The following ALDH1A1 variants were observed in gnomAD, a reference collection of about 807,000 sequenced individuals.
ALDH1A1 encodes aldehyde dehydrogenase 1 family member A1, also known as aldehyde dehydrogenase 1A1.
In ALDH1A1, 19 loss-of-function variants were observed where a neutral mutation model predicts 62.1. That is an observed-to-expected ratio of 0.31 (90% CI 0.21 to 0.45). The LOEUF is 0.45. Among genes scored for constraint, ALDH1A1 ranks in the 20% least tolerant of loss-of-function variants. The pLI is 1.00. For synonymous variants in ALDH1A1, 231 were observed against 215.9 expected, an observed-to-expected ratio of 1.07 and a Z score of -0.61; for missense variants, 521 against 607.1, an observed-to-expected ratio of 0.86 and a Z score of 1.49.
intron 11 of ALDH1A1, among the ~76,000 whole-genome samples, chr9:72,908,824 A>G (rs941857280): frequency 2.6e-5 from 4 of 152,182 alleles, no homozygotes; most frequent in African/African-American, 4.8e-5. Flanking sequence ...CCTCTTGATT[A>G]AAGTATAAAA....
chr9:72,935,341 G>A (rs1415221218), intron 2 of ALDH1A1, among the ~76,000 whole-genome samples: 1 of 152,184 alleles, frequency 6.6e-6, no homozygotes, highest in South Asian at 2.1e-4. Flanking sequence ...CACTGAAAAT[G>A]CTCCTTTTTT....
At chr9:72,925,228 A>G (rs1830189455) in intron 6 of ALDH1A1, among the ~76,000 whole-genome samples, 1 of 152,202 alleles carries the variant, frequency 6.6e-6, no homozygotes, top group Admixed American at 6.5e-5. Context: ...AGAGTTGGAC[A>G]AAGAAGCAAA....
rs1829903502 is a variant in ALDH1A1 at position 72,908,322 on chromosome 9, C to T, written c.1358+1280G>A. ...TGGTGGTACATGCCTGTAGTCCCAG[C>T]TAGTTGGGAGGCTGAGGCAGGAGAA... On this transcript the variant is annotated intron_variant, in intron 11 of 12. Coordinates refer to ENST00000297785, the MANE Select transcript of ALDH1A1 (RefSeq NM_000689.5). 7.5e-5 allele frequency among the ~76,000 whole-genome samples: 11 copies of T among 146,754 alleles called. No individual in the cohort carries two copies. The South Asian group carries it at 2.4e-3, about 32-fold the overall frequency.
intron 2 of ALDH1A1, among the ~76,000 whole-genome samples, chr9:72,938,200 G>T (rs1259735363): frequency 6.6e-6 from 1 of 151,810 alleles, no homozygotes; most frequent in Non-Finnish European, 1.5e-5. Flanking sequence ...ATTATCCTTG[G>T]GTGTTGCTGA....
intron 12 of ALDH1A1, among the ~76,000 whole-genome samples, chr9:72,902,037 T>C (rs967682081): frequency 3.9e-5 from 6 of 152,044 alleles, no homozygotes; most frequent in African/African-American, 1.4e-4. Context: ...CTTGGGCTTT[T>C]TGCAGTTGTT....
intron 1 of ALDH1A1, among the ~76,000 whole-genome samples, chr9:72,942,679 C>T (rs1018655559): frequency 2.0e-5 from 3 of 152,046 alleles, no homozygotes; most frequent in African/African-American, 7.2e-5. Flanking sequence ...CTCTACCATT[C>T]CCTCAGTTTA....
chr9:72,925,679 A>G (rs1830196174), intron 5 of ALDH1A1, 67 bp from the exon 6 acceptor site: 1 of 1,531,060 alleles, frequency 6.5e-7, no homozygotes, highest in Non-Finnish European at 8.9e-7. Flanking sequence ...TCCAACTTCC[A>G]TATTATACAC....
intron 1 of ALDH1A1, among the ~76,000 whole-genome samples, chr9:72,951,430 T>C (rs1008371269): frequency 1.3e-5 from 2 of 151,724 alleles, no homozygotes; most frequent in African/African-American, 4.8e-5. Flanking sequence ...AAGGAAGACT[T>C]TGCAAACTTC....
At chr9:72,907,306 GA>G (rs1353512390) in intron 11 of ALDH1A1, among the ~76,000 whole-genome samples, 1 of 152,090 alleles carries the variant, frequency 6.6e-6, no homozygotes, top group African/African-American at 2.4e-5. Context: ...TGCAACTCTG[GA>G]GTTCAATAAT....
intron 9 of ALDH1A1, among the ~76,000 whole-genome samples, chr9:72,913,559 A>G (rs1180703852): frequency 6.6e-6 from 1 of 152,150 alleles, no homozygotes; most frequent in Non-Finnish European, 1.5e-5. Context: ...CAACATCATG[A>G]TATCTGGTTT....
intron 12 of ALDH1A1, among the ~76,000 whole-genome samples, chr9:72,902,266 G>T (rs1401441306): frequency 6.6e-6 from 1 of 151,966 alleles, no homozygotes; most frequent in African/African-American, 2.4e-5. Flanking sequence ...TCTCTATATT[G>T]TTTTGATAAG....
chr9:72,909,003 C>T (rs968237486), intron 11 of ALDH1A1, among the ~76,000 whole-genome samples: 11 of 152,064 alleles, frequency 7.2e-5, no homozygotes, highest in Non-Finnish European at 1.6e-4. Context: ...TCTTTTACCT[C>T]CCTGTATACA....
intron 12 of ALDH1A1, among the ~76,000 whole-genome samples, chr9:72,904,089 A>G (rs1829842432): frequency 6.6e-6 from 1 of 152,110 alleles, no homozygotes; most frequent in Non-Finnish European, 1.5e-5. Context: ...ATTCCATCTT[A>G]AGAGGAATGT....
chr9:72,939,013 G>C (rs1477743102), intron 2 of ALDH1A1, among the ~76,000 whole-genome samples: 1 of 152,126 alleles, frequency 6.6e-6, no homozygotes, highest in Non-Finnish European at 1.5e-5. Context: ...AAAGTGCTGG[G>C]ATTACAGGTG....
chr9:72,914,496 G>GTT (rs891520603), intron 9 of ALDH1A1, among the ~76,000 whole-genome samples: 1 of 152,134 alleles, frequency 6.6e-6, no homozygotes, highest in African/African-American at 2.4e-5. Context: ...TTTAAATCCA[G>GTT]TTTAAATCCT....
intron 8 of ALDH1A1, among the ~76,000 whole-genome samples, chr9:72,917,440 A>T (rs1830079902): frequency 6.6e-6 from 1 of 152,138 alleles, no homozygotes; most frequent in South Asian, 2.1e-4. Flanking sequence ...GATGATTGTG[A>T]TTATTTCTTT....
chr9:72,943,403 C>T (rs1386700931), intron 1 of ALDH1A1, among the ~76,000 whole-genome samples: 1 of 152,060 alleles, frequency 6.6e-6, no homozygotes, highest in Admixed American at 6.6e-5. Context: ...CCATCTAGTT[C>T]CATGATCAGA....
At chr9:72,948,681 A>G (rs150188344) in intron 1 of ALDH1A1, among the ~76,000 whole-genome samples, 282 of 151,980 alleles carry the variant, frequency 1.9e-3, no homozygotes, top group African/African-American at 6.4e-3. Flanking sequence ...CATTTATCCT[A>G]ATTTCTGATT....
chr9:72,937,369 A>G (rs776694099), intron 2 of ALDH1A1, among the ~76,000 whole-genome samples: 2 of 152,156 alleles, frequency 1.3e-5, no homozygotes, highest in Non-Finnish European at 2.9e-5. Context: ...GGCAAATACA[A>G]TGTCCTATAA....
Sources: allele counts gnomAD v4.1 joint callset (sites outside exome capture counted in the v4.1 genomes callset), GRCh38; gene constraint gnomAD v4.1.1; transcripts MANE v1.5; gene names NCBI Gene and HGNC (gene_info 2026-07-23, HGNC 2026-07-21).